Variants in ITPR1 observed in about 807,000 individuals in gnomAD.
The protein encoded by ITPR1 is inositol 1,4,5-trisphosphate receptor type 1.
A neutral mutation model predicts 318.4 loss-of-function variants in ITPR1; 96 were observed. The ratio of observed to expected loss-of-function variants is 0.30; its 90% confidence interval spans 0.26 to 0.36. The LOEUF is 0.36. Among genes scored for constraint, ITPR1 ranks in the 10% least tolerant of loss-of-function variants. ITPR1 has a pLI of 1.00. For missense variants in ITPR1, 2,440 were observed against 3,460.2 expected (o/e 0.71, Z 7.40); for synonymous variants, 1,312 against 1,289.9 (o/e 1.02, Z -0.37).
rs111582049 is a variant in ITPR1, at chr3:4,560,576, G to A, written c.163+39482G>A. Among the ~76,000 whole-genome samples, 429 of 152,240 alleles carry A rather than the reference G, an allele frequency of 2.8e-3. 2 individuals carry two copies. Among genetic ancestry groups the A allele is most frequent in the African/African-American group, 9.8e-3 (408 of 41,538 alleles). On this transcript the variant is annotated intron_variant, in intron 4 of 61. Coordinates refer to ENST00000649015, the MANE Select transcript of ITPR1 (RefSeq NM_001378452.1). Reference sequence around the variant, plus strand: ...GAGGCGACTTTTGTGTTAAGCATGAGGTGACTTTCATGTTAAGCTTTCTCT... The same window carrying A: ...GAGGCGACTTTTGTGTTAAGCATGAAGTGACTTTCATGTTAAGCTTTCTCT...
At chr3:4,821,013 ACCAGCCTCC>A (rs1448089751) in intron 60 of ITPR1, among the ~76,000 whole-genome samples, 1 of 152,182 alleles carries the variant, frequency 6.6e-6, no homozygotes, top group Admixed American at 6.5e-5. Flanking sequence ...TGAGGCCCCC[ACCAGCCTCC>A]CCACTGAGCG....
chr3:4,603,062 A>G lies in ITPR1; in HGVS notation c.164-24701A>G, dbSNP rs114428249. ...CTTACTGGTAACAAAATATATGCAG[A>G]TGAAACAACAGGCATCAAATAAAAT... On this transcript the variant is annotated intron_variant, in intron 4 of 61. Transcript: ENST00000649015. 4.6e-4 allele frequency among the ~76,000 whole-genome samples: 70 copies of G among 152,320 alleles called. 1 individual carries two copies. The highest frequency in any genetic ancestry group is 1.5e-3 in the African/African-American group (62 of 41,586).
At chr3:4,529,856 C>A (rs995085972) in intron 4 of ITPR1, among the ~76,000 whole-genome samples, 1 of 152,162 alleles carries the variant, frequency 6.6e-6, no homozygotes, top group African/African-American at 2.4e-5. Flanking sequence ...ATCCTCATAA[C>A]AACCCCATAA....
chr3:4,717,227 A>C (rs2041836056), intron 39 of ITPR1, 140 bp from the exon 40 acceptor site: 1 of 751,582 alleles, frequency 1.3e-6, no homozygotes. Flanking sequence ...CTAAGCGCCC[A>C]AGCCTCTTAG....
chr3:4,639,970 C>T (rs2093299606), intron 6 of ITPR1, among the ~76,000 whole-genome samples: 1 of 152,204 alleles, frequency 6.6e-6, no homozygotes, highest in African/African-American at 2.4e-5. Context: ...TGTCTACTCT[C>T]ATGGGTTGCT....
chr3:4,682,641 G>A (rs2094322439), intron 26 of ITPR1, among the ~76,000 whole-genome samples: 1 of 152,158 alleles, frequency 6.6e-6, no homozygotes, highest in Non-Finnish European at 1.5e-5. Flanking sequence ...TCCATGTGCT[G>A]TGTGATCACT....
intron 4 of ITPR1, among the ~76,000 whole-genome samples, chr3:4,625,851 C>G (rs1575783644): frequency 6.6e-6 from 1 of 152,232 alleles, no homozygotes; most frequent in East Asian, 1.9e-4. Context: ...GCCACCGCAT[C>G]TGGCCCAAGT....
intron 51 of ITPR1, among the ~76,000 whole-genome samples, chr3:4,785,515 A>G (rs944428437): frequency 2.0e-4 from 30 of 152,180 alleles, no homozygotes; most frequent in African/African-American, 6.3e-4. Context: ...GGGCTATCCT[A>G]ATAAAACACA....
At chr3:4,603,281 G>T (rs2091436158) in intron 4 of ITPR1, among the ~76,000 whole-genome samples, 1 of 151,926 alleles carries the variant, frequency 6.6e-6, no homozygotes, top group South Asian at 2.1e-4. Context: ...ACATGTGCAG[G>T]TTTATTACAT....
chr3:4,727,143 A>G lies in ITPR1; in HGVS notation c.5190A>G (p.Pro1730=), dbSNP rs754471241. Reference sequence around the variant, plus strand: ...CCTAGCAGGAGCTTGAACCAAGTCCACCCCTGCGGCAGCTGGAAGACCATA... The same window carrying G: ...CCTAGCAGGAGCTTGAACCAAGTCCGCCCCTGCGGCAGCTGGAAGACCATA... ...ENATEELEPS[P]PLRQLEDHKR... is the part of the protein sequence containing the mutation. The change falls in exon 42 of 62, where the codon CCA becomes CCG. Residue 1730 remains proline (P), a synonymous_variant. Transcript: ENST00000649015. The G allele has an allele frequency of 2.5e-6, 4 of 1,597,596 alleles. No homozygotes were observed. In the Admixed American group the frequency reaches 6.7e-5, roughly 27 times the overall value.
intron 19 of ITPR1, 92 bp from the exon 20 acceptor site, chr3:4,670,637 T>G: frequency 2.2e-6 from 2 of 928,546 alleles, no homozygotes; most frequent in Non-Finnish European, 3.4e-6. Context: ...AAACAAAAAG[T>G]GTCTTTCCAT....
In ITPR1 at chr3:4,557,458, G is replaced by A. The variant is rs752833896; in HGVS notation, c.163+36364G>A. Reference sequence around the variant, plus strand: ...AAGATGAGATTTGGGTGGGGACACAGCCAAACCATATCACTGTGTCATTCA... The same window carrying A: ...AAGATGAGATTTGGGTGGGGACACAACCAAACCATATCACTGTGTCATTCA... On this transcript the variant is annotated intron_variant, in intron 4 of 61. Coordinates refer to ENST00000649015, the MANE Select transcript of ITPR1 (RefSeq NM_001378452.1). 3.9e-5 allele frequency among the ~76,000 whole-genome samples: 6 copies of A among 152,240 alleles called. No individual in the cohort carries two copies. In the East Asian group the frequency reaches 1.2e-3, roughly 29 times the overall value.
At chr3:4,807,642 C>T (rs1020820298) in intron 55 of ITPR1, among the ~76,000 whole-genome samples, 1 of 152,158 alleles carries the variant, frequency 6.6e-6, no homozygotes, top group African/African-American at 2.4e-5. Context: ...TAGCTCATAC[C>T]ATTAGGGGTG....
chr3:4,499,227 GAAACA>G (rs945985943), intron 2 of ITPR1, among the ~76,000 whole-genome samples: 2 of 152,278 alleles, frequency 1.3e-5, no homozygotes, highest in East Asian at 1.9e-4. Flanking sequence ...GAGGAGCAAT[GAAACA>G]AAACAAAACA....
At chr3:4,661,434 C>T (rs189120702) in intron 14 of ITPR1, among the ~76,000 whole-genome samples, 1 of 152,004 alleles carries the variant, frequency 6.6e-6, no homozygotes, top group East Asian at 1.9e-4. Context: ...TAGTTGATTT[C>T]CCCCAATCTC....
At chr3:4,833,896 T>C (rs2050694421) in intron 60 of ITPR1, among the ~76,000 whole-genome samples, 1 of 151,722 alleles carries the variant, frequency 6.6e-6, no homozygotes, top group Non-Finnish European at 1.5e-5. Context: ...ATTCCTTAGT[T>C]AGTTTTTTAT....
chr3:4,839,565 T>C (rs1394046855), intron 61 of ITPR1, among the ~76,000 whole-genome samples: 5 of 152,148 alleles, frequency 3.3e-5, no homozygotes, highest in East Asian at 1.9e-4. Context: ...TACTCTTTTT[T>C]TAAAAAAAAG....
At chr3:4,563,204 A>C (rs780991102) in intron 4 of ITPR1, among the ~76,000 whole-genome samples, 13 of 152,186 alleles carry the variant, frequency 8.5e-5, no homozygotes, top group Non-Finnish European at 1.6e-4. Flanking sequence ...CTCAGGGAGT[A>C]GTCAAGACCA....
chr3:4,791,687 C>T (rs951570129), intron 52 of ITPR1, among the ~76,000 whole-genome samples: 1 of 152,100 alleles, frequency 6.6e-6, no homozygotes, highest in African/African-American at 2.4e-5. Context: ...CTGAAGTGGG[C>T]AGACAACAAC....
Sources: allele counts gnomAD v4.1 joint callset (sites outside exome capture counted in the v4.1 genomes callset), GRCh38; gene constraint gnomAD v4.1.1; transcripts MANE v1.5; gene names NCBI Gene and HGNC (gene_info 2026-07-23, HGNC 2026-07-21).